DNM3: variants seen among roughly 807,000 people sequenced by gnomAD.
DNM3 encodes dynamin 3, also known as dynamin-3.
In DNM3, 47 loss-of-function variants were observed where a neutral mutation model predicts 101.6. The ratio of observed to expected loss-of-function variants is 0.46; its 90% CI spans 0.37 to 0.59. The LOEUF (loss-of-function observed/expected upper bound fraction) is 0.59. DNM3 is among the 20% of genes least tolerant of loss of function. The pLI is 0.00. For synonymous variants in DNM3, 385 were observed against 387.9 expected (o/e 0.99, Z 0.09); for missense variants, 849 against 1,085.7 (o/e 0.78, Z 3.06).
intron 12 of DNM3, among the ~76,000 whole-genome samples, chr1:172,090,518 T>C (rs539434039): frequency 3.9e-5 from 6 of 152,224 alleles, no homozygotes; most frequent in African/African-American, 1.4e-4. Context: ...AAAGAGGAAA[T>C]AATTTCATCG....
chr1:172,050,312 C>T (rs750798582), intron 10 of DNM3, among the ~76,000 whole-genome samples: 9 of 152,206 alleles, frequency 5.9e-5, no homozygotes, highest in Admixed American at 2.6e-4. Context: ...TTGCCACTCT[C>T]AGCACACAGA....
intron 1 of DNM3, 136 bp downstream of exon 1, chr1:171,841,953 G>T: frequency 8.6e-7 from 1 of 1,161,276 alleles, no homozygotes; most frequent in Non-Finnish European, 1.2e-6. Flanking sequence ...AGAGTGGAAT[G>T]GGGGGCAGAG....
At chr1:172,392,354 G>A (rs554155775) in intron 20 of DNM3, among the ~76,000 whole-genome samples, 1 of 152,142 alleles carries the variant, frequency 6.6e-6, no homozygotes, top group African/African-American at 2.4e-5. Flanking sequence ...TATCTGGATT[G>A]TCACCTCCCC....
chr1:172,249,191 T>C (rs532920926), intron 14 of DNM3, among the ~76,000 whole-genome samples: 6 of 152,290 alleles, frequency 3.9e-5, no homozygotes, highest in African/African-American at 1.4e-4. Context: ...GTTATATTGA[T>C]GGTGCTCTGC....
At chr1:172,232,517 T>G (rs1157144997) in intron 14 of DNM3, among the ~76,000 whole-genome samples, 1 of 152,132 alleles carries the variant, frequency 6.6e-6, no homozygotes, top group Admixed American at 6.5e-5. Flanking sequence ...GGAACTGAAC[T>G]CCGCTCTGCA....
intron 15 of DNM3, among the ~76,000 whole-genome samples, chr1:172,255,852 A>G (rs545807947): frequency 6.6e-6 from 1 of 152,284 alleles, no homozygotes; most frequent in African/African-American, 2.4e-5. Flanking sequence ...ATAGTGAAAT[A>G]CCTTTTGATA....
intron 1 of DNM3, among the ~76,000 whole-genome samples, chr1:171,861,120 A>G (rs1398843871): frequency 6.6e-6 from 1 of 152,150 alleles, no homozygotes; most frequent in Admixed American, 6.5e-5. Flanking sequence ...AAATGGAAAG[A>G]TATCCTATGT....
chr1:172,034,635 T>A (rs990866394), intron 6 of DNM3, among the ~76,000 whole-genome samples: 6 of 152,168 alleles, frequency 3.9e-5, no homozygotes, highest in African/African-American at 1.4e-4. Context: ...TCCTGGATAA[T>A]CACTCTCTCT....
intron 15 of DNM3, among the ~76,000 whole-genome samples, chr1:172,262,936 T>A (rs1392852208): frequency 6.6e-6 from 1 of 152,214 alleles, no homozygotes; most frequent in Non-Finnish European, 1.5e-5. Context: ...CTGAAACTGA[T>A]GCCATCCAGT....
At chr1:172,074,390 C>T (rs927125666) in intron 11 of DNM3, among the ~76,000 whole-genome samples, 7 of 151,882 alleles carry the variant, frequency 4.6e-5, no homozygotes, top group Non-Finnish European at 7.4e-5. Context: ...TAGGTATGCA[C>T]GCGCCATGGT....
At chr1:172,320,764 C>G (rs1429017403) in intron 16 of DNM3, among the ~76,000 whole-genome samples, 1 of 152,066 alleles carries the variant, frequency 6.6e-6, no homozygotes, top group African/African-American at 2.4e-5. Context: ...GATAGGCCAG[C>G]CTCCATCGGT....
At chr1:172,393,580 T>TA (rs2069714930) in intron 20 of DNM3, 1 of 144,232 alleles carries the variant, frequency 6.9e-6, no homozygotes, top group Non-Finnish European at 1.5e-5. Context: ...CCTCCTGACT[T>TA]ACTGTCTTTT....
intron 17 of DNM3, among the ~76,000 whole-genome samples, chr1:172,336,130 A>G (rs1293621946): frequency 1.3e-5 from 2 of 152,114 alleles, no homozygotes; most frequent in Admixed American, 6.5e-5. Context: ...AACACCCTAT[A>G]AGGCACAGGA....
intron 1 of DNM3, among the ~76,000 whole-genome samples, chr1:171,902,899 TC>T (rs1214668721): frequency 6.6e-6 from 1 of 152,198 alleles, no homozygotes; most frequent in Non-Finnish European, 1.5e-5. Flanking sequence ...ATGTCTGTAA[TC>T]CCAGCACTTT....
At chr1:172,190,605 T>A (rs1202020155) in intron 14 of DNM3, among the ~76,000 whole-genome samples, 3 of 152,190 alleles carry the variant, frequency 2.0e-5, no homozygotes, top group Non-Finnish European at 4.4e-5. Context: ...CCTTCCACAA[T>A]GGTTAAACTA....
chr1:172,251,916 T>G (rs2062184568), intron 14 of DNM3, among the ~76,000 whole-genome samples: 1 of 152,166 alleles, frequency 6.6e-6, no homozygotes, highest in South Asian at 2.1e-4. Context: ...ATTTTGCCTC[T>G]TAGAATTCTG....
In DNM3 at chr1:172,037,809, C is replaced by T. The variant is rs570745010; in HGVS notation, c.850-510C>T. Among the ~76,000 whole-genome samples the T allele has an allele frequency of 7.2e-5, 11 of 152,300 alleles. No individual in the cohort carries two copies. The South Asian group carries it at 1.0e-3, about 14-fold the overall frequency. On this transcript the variant is annotated intron_variant, in intron 6 of 20. Coordinates refer to ENST00000627582, the MANE Select transcript of DNM3 (RefSeq NM_015569.5). ...TGGAAGTATGAGTAAGTTTCTGCCT[C>T]AGCTGAAGAATGTGGAGAAAATTAA... is the stretch of plus-strand genomic sequence containing the variant.
intron 1 of DNM3, among the ~76,000 whole-genome samples, chr1:171,921,258 T>C (rs571423152): frequency 2.0e-5 from 3 of 152,086 alleles, no homozygotes; most frequent in Non-Finnish European, 4.4e-5. Context: ...TTGTTTCCTT[T>C]TATTGGAGAA....
At chr1:171,975,902 G>A (rs575039614) in intron 2 of DNM3, among the ~76,000 whole-genome samples, 2 of 152,326 alleles carry the variant, frequency 1.3e-5, no homozygotes, top group South Asian at 4.1e-4. Flanking sequence ...AGTTCAGGCT[G>A]TACAGTGCTA....
Sources: gnomAD v4.1 joint callset for allele counts (sites outside exome capture counted in the v4.1 genomes callset) on GRCh38, gnomAD v4.1.1 for gene constraint, MANE v1.5 for transcripts, NCBI Gene and HGNC (gene_info 2026-07-23, HGNC 2026-07-21) for gene names.